Variants in RNF6 observed in about 807,000 individuals in gnomAD.
The protein encoded by RNF6 is ring finger protein 6.
RNF6 carries 21 observed loss-of-function variants against 50.1 expected under a neutral mutation model. The ratio of observed to expected loss-of-function variants is 0.42; its 90% CI spans 0.30 to 0.60. RNF6 has a LOEUF of 0.60. Among genes scored for constraint, RNF6 ranks in the 20% least tolerant of loss-of-function variants. The pLI is 0.20. For missense variants in RNF6, 698 were observed against 838.2 expected (o/e 0.83, Z 2.07); for synonymous variants, 255 against 291.8 (o/e 0.87, Z 1.29).
rs750100987 is a variant in RNF6 at position 26,214,926 on chromosome 13, C to T, written c.956G>A (p.Ser319Asn). Residue 319 changes from serine to asparagine, a missense_variant, in exon 5 of 5, where the codon AGT (serine) becomes AAT (asparagine). Physicochemically the swap from Ser to Asn is conservative, Grantham distance 46 (BLOSUM62 1). Transcript: ENST00000381588. ...TTGGGAATTATGATAAACAGTGCCA[C>T]TCTGTCTCTGAATTGGTGAACGGCT... The part of the protein sequence containing the change: ...SRSRSPIQRQ[S>N]GTVYHNSQRE... 4 of 1,614,110 alleles carry T rather than the reference C, an allele frequency of 2.5e-6. No individual in the cohort carries two copies. The highest frequency in any genetic ancestry group is 4.5e-5 in the East Asian group (2 of 44,900).
At chr13:26,181,621 T>C (rs1873247693) in intron 5 of RNF6, among the ~76,000 whole-genome samples, 3 of 152,078 alleles carry the variant, frequency 2.0e-5, no homozygotes, top group African/African-American at 7.2e-5. Context: ...AGCTATACCA[T>C]TGGTAGGTAT....
chr13:26,182,715 G>A (rs1873301182), intron 5 of RNF6, among the ~76,000 whole-genome samples: 1 of 152,180 alleles, frequency 6.6e-6, no homozygotes, highest in Non-Finnish European at 1.5e-5. Flanking sequence ...TAAGGTAGGA[G>A]GATTGCTTGA....
At chr13:26,183,731 C>A (rs531173990) in intron 5 of RNF6, among the ~76,000 whole-genome samples, 14 of 151,994 alleles carry the variant, frequency 9.2e-5, no homozygotes, top group Non-Finnish European at 1.9e-4. Context: ...CAATTCGCAG[C>A]TTAGCAAACA....
intron 5 of RNF6, chr13:26,153,970 C>A (rs772624463): frequency 7.9e-5 from 12 of 152,300 alleles, no homozygotes; most frequent in Non-Finnish European, 1.3e-4. Context: ...TTATTATCTA[C>A]ATTGAATTTA....
At chr13:26,180,267 G>A (rs1279098532) in intron 5 of RNF6, among the ~76,000 whole-genome samples, 3 of 152,172 alleles carry the variant, frequency 2.0e-5, no homozygotes, top group Non-Finnish European at 4.4e-5. Flanking sequence ...TGGGTATGAG[G>A]ACATGGTCAG....
At chr13:26,174,198 C>G (rs7998188) in intron 5 of RNF6, among the ~76,000 whole-genome samples, 63,623 of 151,656 alleles carry the variant, frequency 0.42, 13,720 homozygotes, top group Non-Finnish European at 0.47. Flanking sequence ...AGGACTCAGG[C>G]CACTGATTTC....
intron 5 of RNF6, among the ~76,000 whole-genome samples, chr13:26,140,011 A>C (rs1870852070): frequency 1.3e-5 from 2 of 152,094 alleles, no homozygotes; most frequent in Admixed American, 1.3e-4. Flanking sequence ...TTTTTGACTG[A>C]TACGTAACTA....
chr13:26,166,414 A>C (rs998564843), intron 5 of RNF6, among the ~76,000 whole-genome samples: 2 of 152,208 alleles, frequency 1.3e-5, no homozygotes, highest in African/African-American at 4.8e-5. Flanking sequence ...AAGTCAAACT[A>C]TCCCTGTTTG....
At chr13:26,204,189 T>A (rs1869005869) in intron 5 of RNF6, among the ~76,000 whole-genome samples, 1 of 151,708 alleles carries the variant, frequency 6.6e-6, no homozygotes, top group Admixed American at 6.6e-5. Flanking sequence ...TGACAAAATA[T>A]TGAGTGTGTA....
At chr13:26,207,417 A>T (rs1869154550) in intron 5 of RNF6, among the ~76,000 whole-genome samples, 1 of 152,216 alleles carries the variant, frequency 6.6e-6, no homozygotes, top group African/African-American at 2.4e-5. Flanking sequence ...TAGAAAAATT[A>T]CACTGGAATA....
chr13:26,153,670 G>A (rs1871754593), intron 5 of RNF6, among the ~76,000 whole-genome samples: 1 of 152,168 alleles, frequency 6.6e-6, no homozygotes, highest in African/African-American at 2.4e-5. Context: ...CCAGATTATG[G>A]AAAGCCTTGA....
downstream of RNF6, among the ~76,000 whole-genome samples, chr13:26,211,735 G>A (rs1337080557): frequency 6.6e-6 from 1 of 152,110 alleles, no homozygotes; most frequent in Admixed American, 6.5e-5. Flanking sequence ...TCAAGCCTGG[G>A]CAACAGAGTG....
intron 5 of RNF6, among the ~76,000 whole-genome samples, chr13:26,160,402 A>T (rs1872138682): frequency 6.6e-6 from 1 of 151,806 alleles, no homozygotes; most frequent in Non-Finnish European, 1.5e-5. Flanking sequence ...TATTTTTTTT[A>T]TTTAAGAGAT....
intron 5 of RNF6, among the ~76,000 whole-genome samples, chr13:26,200,108 C>T (rs1287269596): frequency 6.6e-6 from 1 of 152,178 alleles, no homozygotes; most frequent in African/African-American, 2.4e-5. Flanking sequence ...TCCCGACCTC[C>T]AGAACTGTAA....
At chr13:26,204,916 T>G (rs504652) in intron 5 of RNF6, among the ~76,000 whole-genome samples, 30,063 of 152,040 alleles carry the variant, frequency 0.2, 3,191 homozygotes, top group African/African-American at 0.27. Flanking sequence ...GAAACCTGCT[T>G]GACTCTCACA....
intron 5 of RNF6, among the ~76,000 whole-genome samples, chr13:26,198,924 A>C (rs1024595906): frequency 6.6e-6 from 1 of 152,004 alleles, no homozygotes; most frequent in Non-Finnish European, 1.5e-5. Flanking sequence ...TAAATTTAAC[A>C]AGATGTACAA....
chr13:26,193,659 GT>G (rs111228367), intron 5 of RNF6, among the ~76,000 whole-genome samples: 4,655 of 152,236 alleles, frequency 0.031, 264 homozygotes, highest in African/African-American at 0.11. Context: ...AGTTGGAAGG[GT>G]AAGTAAAATC....
intron 5 of RNF6, among the ~76,000 whole-genome samples, chr13:26,179,578 A>C (rs214429): frequency 6.6e-6 from 1 of 151,950 alleles, no homozygotes; most frequent in Non-Finnish European, 1.5e-5. Context: ...ACGGCTCTGC[A>C]TTCTCAGCAC....
chr13:26,214,609 C>T lies in RNF6; in HGVS notation c.1273G>A (p.Val425Ile). The change falls in exon 5 of 5, where the codon GTA (valine) becomes ATA (isoleucine). Residue 425 changes from valine to isoleucine, a missense_variant. Val to Ile is a conservative substitution (Grantham distance 29). Coordinates refer to ENST00000381588, the MANE Select transcript of RNF6 (RefSeq NM_005977.4). ...GTGACTGTATTTTCTGCTAGCCCTA[C>T]TCTGGATCGAGTTCTATTTGCAATA... ...DSIANRTRSR[V>I]GLAENTVTIE... The T allele has an allele frequency of 6.2e-7, 1 of 1,614,206 alleles. No individual in the cohort carries two copies. Among genetic ancestry groups the T allele is most frequent in the Middle Eastern group, 1.6e-4 (1 of 6,062 alleles).
Sources: gnomAD v4.1 joint callset for allele counts (sites outside exome capture counted in the v4.1 genomes callset) on GRCh38, gnomAD v4.1.1 for gene constraint, MANE v1.5 for transcripts, NCBI Gene and HGNC (gene_info 2026-07-23, HGNC 2026-07-21) for gene names.